The following KDM4A variants were observed in gnomAD, a reference collection of about 807,000 sequenced individuals.
KDM4A encodes lysine-specific demethylase 4A.
Under a neutral mutation model 127.1 loss-of-function variants are expected in KDM4A, and 23 were observed. That is an observed-to-expected ratio of 0.18 (90% CI 0.13 to 0.26). The LOEUF (loss-of-function observed/expected upper bound fraction) is 0.26, where lower values mean the gene tolerates loss of function less well. Among genes scored for constraint, KDM4A ranks in the 10% least tolerant of loss-of-function variants. KDM4A has a pLI of 1.00. For missense variants in KDM4A, 890 were observed against 1,329.1 expected (o/e 0.67, Z 5.14); for synonymous variants, 443 against 466.5 (o/e 0.95, Z 0.65).
chr1:43,669,775 A>T (rs1006975721), intron 10 of KDM4A, among the ~76,000 whole-genome samples: 7 of 151,956 alleles, frequency 4.6e-5, no homozygotes, highest in Non-Finnish European at 5.9e-5. Context: ...CAGCCTTCCA[A>T]CTAGCTAGGA....
At chr1:43,661,512 A>T (rs1660376313) in intron 4 of KDM4A, among the ~76,000 whole-genome samples, 2 of 144,952 alleles carry the variant, frequency 1.4e-5, no homozygotes, top group South Asian at 4.6e-4. Flanking sequence ...AGGCTGAGGC[A>T]GGAGAATGGT....
chr1:43,665,427 T>C (rs975376735), intron 5 of KDM4A, among the ~76,000 whole-genome samples: 5 of 152,060 alleles, frequency 3.3e-5, no homozygotes, highest in African/African-American at 1.2e-4. Context: ...AGTAATATTA[T>C]GTACCGTAAA....
At position 43,683,779 on chromosome 1, in the gene KDM4A, G is replaced by A; in HGVS notation, c.1830G>A (p.Val610=). The change falls in exon 12 of 22, where the codon GTG becomes GTA. Residue 610 remains valine (V), a synonymous_variant. Coordinates refer to ENST00000372396, the MANE Select transcript of KDM4A (RefSeq NM_014663.3). Reference sequence around the variant, plus strand: ...AGCTCCCCCGCCATCACCCACTTGTGCTGCAGGAGTGTGTCAGTGATGATG... The same window carrying A: ...AGCTCCCCCGCCATCACCCACTTGTACTGCAGGAGTGTGTCAGTGATGATG... The part of the protein sequence containing the change: ...LSKLPRHHPL[V]LQECVSDDET... 1 of 1,614,102 alleles carries A rather than the reference G, an allele frequency of 6.2e-7. No homozygotes were observed. The highest frequency in any genetic ancestry group is 8.5e-7 in the Non-Finnish European group (1 of 1,180,004).
rs960712637 is a variant in KDM4A, at chr1:43,660,560, G to A, written c.429+148G>A. On this transcript the variant is annotated intron_variant, in intron 4 of 21. Transcript: ENST00000372396. ...ACCCCCAGCTGATGTTGCTGTGCTG[G>A]CCTAATTGTGGGCCATTTTGCATGT... is the stretch of plus-strand genomic sequence containing the variant. 6.6e-6 allele frequency: 8 copies of A among 1,214,272 alleles called. No individual in the cohort carries two copies. In the Admixed American group the frequency reaches 2.2e-4, roughly 34 times the overall value. 75.2% of individuals were successfully genotyped at this position (1,214,272 alleles called of 1,614,324 possible). A position where few individuals can be genotyped will look rare whatever the true frequency, so the allele number is the denominator to read the frequency against.
intron 6 of KDM4A, among the ~76,000 whole-genome samples, chr1:43,666,060 C>A (rs569724590): frequency 2.0e-5 from 3 of 152,268 alleles, no homozygotes; most frequent in South Asian, 4.1e-4. Flanking sequence ...TGCTTTGTTT[C>A]TTTTAAGTGG....
intron 11 of KDM4A, among the ~76,000 whole-genome samples, chr1:43,673,775 C>T (rs1403450434): frequency 6.6e-6 from 1 of 152,174 alleles, no homozygotes; most frequent in Non-Finnish European, 1.5e-5. Context: ...CCTAGCAATT[C>T]TTCCTTCGCA....
intron 5 of KDM4A, among the ~76,000 whole-genome samples, chr1:43,663,570 C>A (rs1401349720): frequency 1.4e-4 from 22 of 152,088 alleles, no homozygotes; most frequent in Non-Finnish European, 4.4e-5. Context: ...GTTGGTGAGA[C>A]AAACATTGGT....
At position 43,678,218 on chromosome 1, in the gene KDM4A, T is replaced by C. The variant is rs116760229; in HGVS notation, c.1735-5466T>C. Among the ~76,000 whole-genome samples, 1,489 of 152,210 alleles carry C rather than the reference T, an allele frequency of 9.8e-3. 26 individuals carry two copies. Among genetic ancestry groups the C allele is most frequent in the African/African-American group, 0.035 (1,449 of 41,510 alleles). ...TTGTGAGGTAGGCTATGGAGACACATAGACATAGCCTTGAAGCTGGGGTGG... is the reference window on the plus strand; with the variant it reads ...TTGTGAGGTAGGCTATGGAGACACACAGACATAGCCTTGAAGCTGGGGTGG... On this transcript the variant is annotated intron_variant, in intron 11 of 21. Coordinates refer to ENST00000372396, the MANE Select transcript of KDM4A (RefSeq NM_014663.3).
intron 8 of KDM4A, among the ~76,000 whole-genome samples, chr1:43,667,537 G>A (rs891872900): frequency 6.6e-6 from 1 of 152,204 alleles, no homozygotes; most frequent in Non-Finnish European, 1.5e-5. Context: ...GTGACCCCGA[G>A]TTAGTGCCCA....
At chr1:43,683,568 A>T in intron 11 of KDM4A, 116 bp from the exon 12 acceptor site, 1 of 1,204,178 alleles carries the variant, frequency 8.3e-7, no homozygotes, top group Non-Finnish European at 1.2e-6. Flanking sequence ...GTTTGGTATT[A>T]TATGTCTTTT....
At position 43,688,876 on chromosome 1, in the gene KDM4A, G is replaced by C; in HGVS notation, c.1856-38G>C. ...CTCCAGGCAGAGCCACAGATGTGCA[G>C]GGTTAGTGCTGACTCACACTTCTGT... On this transcript the variant is annotated intron_variant, in intron 12 of 21. Coordinates refer to ENST00000372396, the MANE Select transcript of KDM4A (RefSeq NM_014663.3). This position sits in a 1 kb window ranked among gnomAD's most constrained non-coding sequence, Gnocchi z 4.4. The C allele has an allele frequency of 6.3e-7, 1 of 1,588,160 alleles. No individual in the cohort carries two copies. The highest frequency in any genetic ancestry group is 8.6e-7 in the Non-Finnish European group (1 of 1,158,918).
intron 1 of KDM4A, among the ~76,000 whole-genome samples, chr1:43,651,104 TAGGGCCCCTTTGAAGGCCCGGGGA>T (rs1202723424): frequency 6.6e-6 from 1 of 152,240 alleles, no homozygotes; most frequent in Non-Finnish European, 1.5e-5. Flanking sequence ...TGAAGCCCAT[TAGGGCCCCTTTGAAGGCCCGGGGA>T]AGGGCCCCAA....
intron 6 of KDM4A, 38 bp downstream of exon 6, chr1:43,665,783 T>C: frequency 6.2e-7 from 1 of 1,606,962 alleles, no homozygotes. Flanking sequence ...TGGACCCTCC[T>C]ATGAGCTGTG....
At chr1:43,696,109 C>G (rs978136721) in intron 18 of KDM4A, among the ~76,000 whole-genome samples, 1 of 152,164 alleles carries the variant, frequency 6.6e-6, no homozygotes, top group African/African-American at 2.4e-5. Flanking sequence ...AGAAACTGGG[C>G]TCTGGAGATT....
chr1:43,663,140 T>G (rs1238046068), intron 5 of KDM4A, 53 bp downstream of exon 5: 1 of 1,501,586 alleles, frequency 6.7e-7, no homozygotes. Flanking sequence ...CACGGGCTCA[T>G]GTTCATTGTG....
Position 43,666,972 on chromosome 1 carries a change from G to C in KDM4A, c.796G>C (p.Glu266Gln), listed in dbSNP as rs747487899. ...PFDKVTQEAGEFMITFPYGYH... is the reference protein window; with the variant it reads ...PFDKVTQEAGQFMITFPYGYH... ...TGTTCAGGTGACTCAAGAGGCTGGA[G>C]AGTTTATGATCACTTTCCCTTATGG... The change falls in exon 8 of 22, where the codon GAG becomes CAG. Residue 266 changes from glutamate (E) to glutamine (Q), a missense_variant. Around this residue, in one of 7 missense-constraint regions of KDM4A, gnomAD observed 141 missense variants for 273.5 expected, o/e 0.52. Transcript: ENST00000372396. 1.9e-6 allele frequency: 3 copies of C among 1,614,104 alleles called. No homozygotes were observed. The Admixed American group carries it at 5.0e-5, about 27-fold the overall frequency.
At chr1:43,675,337 C>G (rs1285881676) in intron 11 of KDM4A, among the ~76,000 whole-genome samples, 1 of 152,188 alleles carries the variant, frequency 6.6e-6, no homozygotes, top group East Asian at 1.9e-4. Flanking sequence ...TAGGTAAGAG[C>G]AAATCATTCC....
intron 13 of KDM4A, among the ~76,000 whole-genome samples, chr1:43,689,535 G>C (rs758907214): frequency 5.3e-5 from 8 of 152,224 alleles, no homozygotes; most frequent in Non-Finnish European, 1.2e-4. Flanking sequence ...GTTGCCAGTA[G>C]CAGAAGGAAC....
intron 19 of KDM4A, among the ~76,000 whole-genome samples, chr1:43,701,422 A>T (rs1016075107): frequency 3.9e-5 from 6 of 152,218 alleles, no homozygotes; most frequent in Admixed American, 3.9e-4. Flanking sequence ...ATTTTCAAGA[A>T]GATGTCTGCC....
Sources: allele counts gnomAD v4.1 joint callset (sites outside exome capture counted in the v4.1 genomes callset), GRCh38; gene constraint gnomAD v4.1.1; regional missense constraint gnomAD v4.1.1; non-coding constraint Gnocchi (gnomAD v3.1); transcripts MANE v1.5; gene names NCBI Gene and HGNC (gene_info 2026-07-23, HGNC 2026-07-21).